PCID2: variants seen among roughly 807,000 people sequenced by gnomAD.
The protein encoded by PCID2 is PCI domain-containing protein 2.
Under a neutral mutation model 61.3 loss-of-function variants are expected in PCID2, and 41 were observed. That is an observed-to-expected ratio of 0.67 (90% CI 0.52 to 0.87). PCID2 has a LOEUF of 0.87. Among genes scored for constraint, PCID2 ranks in the 40% least tolerant of loss-of-function variants. The pLI is 0.00. For synonymous variants in PCID2, 187 were observed against 177.8 expected (o/e 1.05, Z -0.41); for missense variants, 392 against 493.4 (o/e 0.79, Z 1.95).
chr13:113,208,584 C>A lies in PCID2; in HGVS notation c.36+15G>T. 1.2e-6 allele frequency: 2 copies of A among 1,607,316 alleles called. No homozygotes were observed. The highest frequency in any genetic ancestry group is 1.7e-6 in the Non-Finnish European group (2 of 1,177,554). On this transcript the variant is annotated intron_variant, in intron 1 of 13. Coordinates refer to ENST00000337344, the MANE Select transcript of PCID2 (RefSeq NM_001127202.4). The stretch of plus-strand genomic sequence containing the variant: ...GGCCAACCACGCCGCCGCGCGCTCC[C>A]CGGCTAGGACCCACCTGCTGCAGGT...
At chr13:113,184,232 T>C in intron 9 of PCID2, 114 bp downstream of exon 9, 1 of 1,016,602 alleles carries the variant, frequency 9.8e-7, no homozygotes, top group East Asian at 2.4e-5. Context: ...TATAACTTGG[T>C]CCACATTTAA....
intron 4 of PCID2, 31 bp downstream of exon 4, chr13:113,197,147 C>A: frequency 6.2e-7 from 1 of 1,614,000 alleles, no homozygotes; most frequent in Non-Finnish European, 8.5e-7. Context: ...GTGTTCTATG[C>A]GGGACAGCTG....
intron 1 of PCID2, 68 bp from the exon 2 acceptor site, chr13:113,200,584 T>C: frequency 1.0e-6 from 1 of 990,740 alleles, no homozygotes; most frequent in South Asian, 1.3e-5. Context: ...CCTACAACAA[T>C]ACACTGAATG....
At chr13:113,200,924 C>CA (rs2039383731) in intron 1 of PCID2, among the ~76,000 whole-genome samples, 5 of 151,152 alleles carry the variant, frequency 3.3e-5, no homozygotes, top group Middle Eastern at 3.5e-3. Flanking sequence ...TAAAACAGAC[C>CA]AAAAAAACAA....
the PCID2 span, among the ~76,000 whole-genome samples, chr13:113,168,316 G>A: frequency 6.6e-6 from 1 of 152,142 alleles, no homozygotes; most frequent in Admixed American, 6.5e-5. Context: ...CCTGCCTAAA[G>A]GGCCCCTTTG....
intron 9 of PCID2, among the ~76,000 whole-genome samples, chr13:113,182,657 T>A (rs530897523): frequency 5.2e-4 from 79 of 152,234 alleles, no homozygotes; most frequent in Non-Finnish European, 9.9e-4. Context: ...CCACCACCGT[T>A]GCCCAGCTAA....
At chr13:113,204,385 T>TG (rs1447766892) in intron 1 of PCID2, among the ~76,000 whole-genome samples, 1 of 152,192 alleles carries the variant, frequency 6.6e-6, no homozygotes, top group Non-Finnish European at 1.5e-5. Context: ...CTAAACACAC[T>TG]GGGGACACAG....
intron 2 of PCID2, 87 bp downstream of exon 2, chr13:113,200,340 T>C: frequency 1.3e-6 from 1 of 791,054 alleles, no homozygotes; most frequent in Non-Finnish European, 2.2e-6. Flanking sequence ...ATTAGTTTTC[T>C]TCTTACTCAA....
chr13:113,192,772 A>G (rs1202964394), intron 6 of PCID2, among the ~76,000 whole-genome samples: 1 of 152,176 alleles, frequency 6.6e-6, no homozygotes. Context: ...CAGTAAGCTA[A>G]TATACTCCAA....
chr13:113,189,749 G>A (rs916340639), intron 7 of PCID2, among the ~76,000 whole-genome samples: 1 of 150,132 alleles, frequency 6.7e-6, no homozygotes, highest in Admixed American at 6.6e-5. Context: ...GAGGTCAGGT[G>A]CAGTGGCTCA....
At position 113,195,054 on chromosome 13, in the gene PCID2, C is replaced by T; in HGVS notation, c.363+17G>A. The T allele has an allele frequency of 6.5e-7, 1 of 1,528,334 alleles. No individual in the cohort carries two copies. The allele number at this position is 1,528,334 out of a possible 1,614,324, so 94.7% of individuals were successfully genotyped here. A position where few individuals can be genotyped will look rare whatever the true frequency, so the allele number is the denominator to read the frequency against. On this transcript the variant is annotated intron_variant, in intron 6 of 13. Transcript: ENST00000337344. ...AGTTTTAGTTTTAAAATAATAATGA[C>T]AGCAAATTAAACTTACATTATTGGC... is the stretch of plus-strand genomic sequence containing the variant.
At chr13:113,168,476 C>T in the PCID2 span, among the ~76,000 whole-genome samples, 1 of 152,250 alleles carries the variant, frequency 6.6e-6, no homozygotes, top group East Asian at 1.9e-4. Flanking sequence ...TTGGGCCTGC[C>T]CCACTGCCTT....
intron 2 of PCID2, among the ~76,000 whole-genome samples, chr13:113,198,538 C>CA (rs1436187975): frequency 2.0e-5 from 3 of 151,762 alleles, no homozygotes; most frequent in South Asian, 2.1e-4. Flanking sequence ...CCCGTCTCTA[C>CA]AAAAAAAATT....
At chr13:113,183,286 G>A (rs144456359) in intron 9 of PCID2, among the ~76,000 whole-genome samples, 2 of 152,158 alleles carry the variant, frequency 1.3e-5, no homozygotes, top group African/African-American at 2.4e-5. Flanking sequence ...TGACTATGTC[G>A]CATCAATATT....
intron 1 of PCID2, 87 bp from the exon 2 acceptor site, chr13:113,200,603 G>C (rs1251807950): frequency 3.6e-6 from 3 of 844,168 alleles, no homozygotes; most frequent in Middle Eastern, 4.5e-4. Flanking sequence ...TGCCACACAG[G>C]GGAAAATTCA....
At chr13:113,191,967 C>A (rs1304080796) in intron 6 of PCID2, among the ~76,000 whole-genome samples, 1 of 152,206 alleles carries the variant, frequency 6.6e-6, no homozygotes, top group African/African-American at 2.4e-5. Context: ...TAAAAAATGT[C>A]CTCGATGAGC....
chr13:113,174,820 C>T (rs1192483875), downstream of PCID2, among the ~76,000 whole-genome samples: 1 of 152,208 alleles, frequency 6.6e-6, no homozygotes, highest in East Asian at 1.9e-4. Flanking sequence ...CTAGTTCACA[C>T]TTGGGCAGAG....
chr13:113,182,455 C>T (rs2037727443), intron 9 of PCID2, among the ~76,000 whole-genome samples: 1 of 152,342 alleles, frequency 6.6e-6, no homozygotes, highest in Non-Finnish European at 1.5e-5. Flanking sequence ...ACCTTTGCTA[C>T]TGCCCAAGGT....
At chr13:113,175,569 G>C (rs1030944345), downstream of PCID2, among the ~76,000 whole-genome samples, 39 of 152,212 alleles carry the variant, frequency 2.6e-4, no homozygotes, top group Admixed American at 2.4e-3. Context: ...TGGACACATG[G>C]GTAGCTAGAA....
Sources: allele counts gnomAD v4.1 joint callset (sites outside exome capture counted in the v4.1 genomes callset), GRCh38; gene constraint gnomAD v4.1.1; transcripts MANE v1.5; gene names NCBI Gene and HGNC (gene_info 2026-07-23, HGNC 2026-07-21).